The following EBF1 variants were observed in gnomAD, a reference collection of about 807,000 sequenced individuals.
EBF1 encodes the protein EBF transcription factor 1.
EBF1 carries 10 observed loss-of-function variants against 68.4 expected under a neutral mutation model. The ratio of observed to expected loss-of-function variants is 0.15; its 90% CI spans 0.09 to 0.25. EBF1 has a LOEUF of 0.25. Ranked by LOEUF, EBF1 falls within the 10% of genes least tolerant of loss-of-function variation. EBF1 has a pLI of 1.00. For synonymous variants in EBF1, 298 were observed against 299.8 expected, an observed-to-expected ratio of 0.99 and a Z score of 0.06; for missense variants, 509 against 794.4, an observed-to-expected ratio of 0.64 and a Z score of 4.32.
chr5:159,032,505 C>T lies in EBF1; in HGVS notation c.554+40891G>A, dbSNP rs997389147. 4.6e-5 allele frequency among the ~76,000 whole-genome samples: 7 copies of T among 152,278 alleles called. No individual in the cohort carries two copies. In the East Asian group the frequency reaches 9.6e-4, roughly 21 times the overall value. On this transcript the variant is annotated intron_variant, in intron 6 of 15. Coordinates refer to ENST00000313708, the MANE Select transcript of EBF1 (RefSeq NM_024007.5). ...ACTATTACATAAAGCTGCATAAAAC[C>T]GAGTGATTATTTCTAGCCTCTTCAA...
At chr5:159,006,896 T>C (rs1338598765) in intron 6 of EBF1, among the ~76,000 whole-genome samples, 1 of 152,222 alleles carries the variant, frequency 6.6e-6, no homozygotes, top group African/African-American at 2.4e-5. Context: ...GAAATGAGTC[T>C]GGCTTGAAGA....
intron 8 of EBF1, among the ~76,000 whole-genome samples, chr5:158,802,153 C>T (rs1780713722): frequency 6.6e-6 from 1 of 152,080 alleles, no homozygotes; most frequent in Non-Finnish European, 1.5e-5. Flanking sequence ...ATTTTTCCTT[C>T]TGAAATCTCT....
At chr5:158,999,715 T>C (rs188650591) in intron 6 of EBF1, among the ~76,000 whole-genome samples, 1 of 152,328 alleles carries the variant, frequency 6.6e-6, no homozygotes, top group East Asian at 1.9e-4. Context: ...TTCTTTCTTC[T>C]TTGAAATGAA....
chr5:158,802,188 T>A (rs748285921), intron 8 of EBF1, among the ~76,000 whole-genome samples: 2 of 152,148 alleles, frequency 1.3e-5, no homozygotes, highest in Non-Finnish European at 2.9e-5. Flanking sequence ...ATACCTCACT[T>A]GTTTGGGGTA....
chr5:158,740,806 CCT>C (rs1159505146), intron 10 of EBF1, among the ~76,000 whole-genome samples: 1 of 152,142 alleles, frequency 6.6e-6, no homozygotes, highest in Non-Finnish European at 1.5e-5. Context: ...GTCTCCTCCC[CCT>C]GACTATTATA....
intron 6 of EBF1, among the ~76,000 whole-genome samples, chr5:158,851,185 G>A: frequency 6.7e-6 from 1 of 150,242 alleles, no homozygotes; most frequent in Non-Finnish European, 1.5e-5. Flanking sequence ...GACCAGCCTG[G>A]CCAACATGGT....
At chr5:158,976,823 G>T (rs1756862708) in intron 6 of EBF1, among the ~76,000 whole-genome samples, 1 of 152,144 alleles carries the variant, frequency 6.6e-6, no homozygotes, top group Non-Finnish European at 1.5e-5. Context: ...ATTTTTATCT[G>T]TATGGAATGG....
chr5:158,920,511 G>C (rs1290915629), intron 6 of EBF1, among the ~76,000 whole-genome samples: 1 of 152,312 alleles, frequency 6.6e-6, no homozygotes, highest in East Asian at 1.9e-4. Context: ...TTGGTGGCCA[G>C]TGTCCACAGT....
chr5:158,823,667 T>C (rs1376038747), intron 7 of EBF1, among the ~76,000 whole-genome samples: 1 of 152,210 alleles, frequency 6.6e-6, no homozygotes. Flanking sequence ...CACTGAAGCA[T>C]ATATCACAGT....
chr5:159,098,381 G>C (rs1783030415), intron 1 of EBF1, among the ~76,000 whole-genome samples: 1 of 152,196 alleles, frequency 6.6e-6, no homozygotes, highest in Non-Finnish European at 1.5e-5. Context: ...AGGGGCTGGA[G>C]AAGACTTTTG....
intron 6 of EBF1, among the ~76,000 whole-genome samples, chr5:158,927,911 T>G (rs1381912724): frequency 6.6e-6 from 1 of 152,206 alleles, no homozygotes. Context: ...TTAAACAGAT[T>G]GCCTAAAATC....
chr5:158,860,252 C>G (rs1299078671), intron 6 of EBF1, among the ~76,000 whole-genome samples: 1 of 152,200 alleles, frequency 6.6e-6, no homozygotes, highest in Non-Finnish European at 1.5e-5. Flanking sequence ...AAGATAGTAA[C>G]TACTAAGGTA....
chr5:158,753,524 G>T (rs553612822), intron 10 of EBF1, among the ~76,000 whole-genome samples: 1 of 152,082 alleles, frequency 6.6e-6, no homozygotes, highest in South Asian at 2.1e-4. Flanking sequence ...ATAACTAAAG[G>T]CAGGAACCCC....
chr5:158,814,328 G>C (rs1783278837), intron 8 of EBF1, among the ~76,000 whole-genome samples: 1 of 152,142 alleles, frequency 6.6e-6, no homozygotes, highest in Non-Finnish European at 1.5e-5. Flanking sequence ...CTGGGCAACA[G>C]AGCAAGGCCC....
At chr5:158,757,881 G>A (rs1012620634) in intron 10 of EBF1, among the ~76,000 whole-genome samples, 4 of 152,140 alleles carry the variant, frequency 2.6e-5, no homozygotes, top group African/African-American at 9.7e-5. Context: ...CGGGGGCTTT[G>A]TTCATTCAGC....
chr5:158,793,640 C>T (rs1278885744), intron 9 of EBF1, among the ~76,000 whole-genome samples: 1 of 152,096 alleles, frequency 6.6e-6, no homozygotes, highest in Non-Finnish European at 1.5e-5. Context: ...CTTGGGCAAG[C>T]TTTTTAACCT....
intron 6 of EBF1, among the ~76,000 whole-genome samples, chr5:158,883,873 A>G (rs779447977): frequency 6.6e-6 from 1 of 152,156 alleles, no homozygotes; most frequent in South Asian, 2.1e-4. Flanking sequence ...CTCACAGTCT[A>G]TTATAAGAGC....
chr5:159,042,612 A>ATGTG (rs1561866929), intron 6 of EBF1, among the ~76,000 whole-genome samples: 1 of 135,002 alleles, frequency 7.4e-6, no homozygotes, highest in African/African-American at 2.8e-5. Context: ...GTGTGTGTGC[A>ATGTG]TGTGTGTGTG....
chr5:158,714,951 A>T (rs1199514572), intron 11 of EBF1, among the ~76,000 whole-genome samples: 1 of 152,092 alleles, frequency 6.6e-6, no homozygotes, highest in Non-Finnish European at 1.5e-5. Flanking sequence ...GTGGACCTCC[A>T]TATTTAGCCT....
Sources: gnomAD v4.1 joint callset for allele counts (sites outside exome capture counted in the v4.1 genomes callset) on GRCh38, gnomAD v4.1.1 for gene constraint, MANE v1.5 for transcripts, NCBI Gene and HGNC (gene_info 2026-07-23, HGNC 2026-07-21) for gene names.